Variants in MALRD1 observed in about 807,000 individuals in gnomAD.
MALRD1 encodes MAM and LDL-receptor class A domain-containing protein 1.
In MALRD1, 247 loss-of-function variants were observed where a neutral mutation model predicts 242.1. The observed-to-expected ratio is 1.02, with a 90% CI of 0.92 to 1.13. The LOEUF (loss-of-function observed/expected upper bound fraction) is 1.13, where lower values mean the gene tolerates loss of function less well. Among genes scored for constraint, MALRD1 ranks in the 50% most tolerant of loss-of-function variants. MALRD1 has a pLI of 0.00. For missense variants in MALRD1, 2,989 were observed against 2,533.1 expected, an observed-to-expected ratio of 1.18 and a Z score of -3.86; for synonymous variants, 995 against 866.6, an observed-to-expected ratio of 1.15 and a Z score of -2.60.
intron 14 of MALRD1, among the ~76,000 whole-genome samples, chr10:19,185,027 T>C (rs1290512803): frequency 6.6e-6 from 1 of 152,260 alleles, no homozygotes; most frequent in Non-Finnish European, 1.5e-5. Context: ...TTCCTATTTT[T>C]GTGAACAAAT....
intron 33 of MALRD1, among the ~76,000 whole-genome samples, chr10:19,575,483 TCACACACACA>T (rs66882231): frequency 2.0e-5 from 3 of 148,450 alleles, no homozygotes; most frequent in Non-Finnish European, 4.5e-5. Context: ...AGGCCATGGT[TCACACACACA>T]CACACACACA....
intron 19 of MALRD1, among the ~76,000 whole-genome samples, chr10:19,274,466 G>A (rs1840403142): frequency 6.6e-6 from 1 of 152,126 alleles, no homozygotes; most frequent in African/African-American, 2.4e-5. Context: ...TTTATAAAAA[G>A]ACAGGAGAGA....
Position 19,567,591 on chromosome 10 carries a change from T to A in MALRD1, c.5568T>A (p.Pro1856=). 6.4e-7 allele frequency: 1 copy of A among 1,550,562 alleles called. No homozygotes were observed. Among genetic ancestry groups the A allele is most frequent in the Non-Finnish European group, 8.7e-7 (1 of 1,146,938 alleles). The change falls in exon 33 of 40, where the codon CCT becomes CCA. Residue 1856 remains proline (P), a synonymous_variant. Transcript: ENST00000454679. ...KRTGWTYGSV[P]LSSNSPFKVA... is the part of the protein sequence containing the mutation. ...CGGGATGGACATATGGCTCTGTGCC[T>A]CTCTCCAGTAACAGTCCGTTTAAGG...
chr10:19,569,627 A>G (rs959204767), intron 33 of MALRD1, among the ~76,000 whole-genome samples: 2 of 147,848 alleles, frequency 1.4e-5, no homozygotes, highest in South Asian at 4.2e-4. Flanking sequence ...TCTTTTATAT[A>G]TATATTCCAT....
At chr10:19,325,320 A>G (rs1306206193) in intron 22 of MALRD1, among the ~76,000 whole-genome samples, 2 of 151,886 alleles carry the variant, frequency 1.3e-5, no homozygotes, top group East Asian at 3.9e-4. Context: ...TTCTTTGAGC[A>G]TATTCTTTCT....
intron 21 of MALRD1, among the ~76,000 whole-genome samples, chr10:19,293,678 C>G (rs566099567): frequency 6.6e-6 from 1 of 152,144 alleles, no homozygotes; most frequent in Non-Finnish European, 1.5e-5. Flanking sequence ...ACTGTATGCT[C>G]TCACTTATAA....
chr10:19,719,223 C>CATACATATATAT (rs1176551831), intron 38 of MALRD1, among the ~76,000 whole-genome samples: 16 of 76,434 alleles, frequency 2.1e-4, no homozygotes, highest in African/African-American at 5.2e-4. Context: ...CACATACATA[C>CATACATATATAT]ATATATATAT....
intron 14 of MALRD1, among the ~76,000 whole-genome samples, chr10:19,200,307 CACATGCTCAG>C (rs1257204666): frequency 2.6e-5 from 4 of 152,208 alleles, no homozygotes; most frequent in Admixed American, 6.5e-5. Context: ...AATTACTACT[CACATGCTCAG>C]CCTTTGTTAT....
Position 19,054,428 on chromosome 10 carries a change from A to G in MALRD1, c.199+5291A>G, listed in dbSNP as rs143342199. Reference sequence around the variant, plus strand: ...AATTTTTTTTGTGACAAGACATTGAAATTTACTCTTAGTTATTTTGAAATA... The same window carrying G: ...AATTTTTTTTGTGACAAGACATTGAGATTTACTCTTAGTTATTTTGAAATA... On this transcript the variant is annotated intron_variant, in intron 1 of 39. Coordinates refer to ENST00000454679, the MANE Select transcript of MALRD1 (RefSeq NM_001142308.3). Among the ~76,000 whole-genome samples the G allele has an allele frequency of 8.7e-4, 132 of 152,258 alleles. 1 individual carries two copies. Among genetic ancestry groups the G allele is most frequent in the African/African-American group, 3.0e-3 (124 of 41,550 alleles).
At chr10:19,616,648 C>T (rs570872630) in intron 36 of MALRD1, among the ~76,000 whole-genome samples, 1 of 152,012 alleles carries the variant, frequency 6.6e-6, no homozygotes, top group Admixed American at 6.6e-5. Flanking sequence ...GGTTGCTATT[C>T]AAGTCATTAC....
chr10:19,400,823 C>A (rs1306226836), intron 28 of MALRD1, among the ~76,000 whole-genome samples: 4 of 152,072 alleles, frequency 2.6e-5, no homozygotes, highest in Non-Finnish European at 4.4e-5. Flanking sequence ...TGAGACCAGC[C>A]TGGTCAATAT....
chr10:19,489,568 C>T (rs369554904), intron 29 of MALRD1, among the ~76,000 whole-genome samples: 86 of 151,916 alleles, frequency 5.7e-4, no homozygotes, highest in Middle Eastern at 6.8e-3. Flanking sequence ...AGTGTAAATG[C>T]TTTTTTTTAA....
At chr10:19,314,834 G>T (rs560907672) in intron 21 of MALRD1, among the ~76,000 whole-genome samples, 2 of 151,286 alleles carry the variant, frequency 1.3e-5, no homozygotes, top group South Asian at 4.1e-4. Flanking sequence ...TCTGACCCCA[G>T]TTGTAGACCA....
At chr10:19,224,686 GT>G (rs1211724365) in intron 18 of MALRD1, among the ~76,000 whole-genome samples, 5 of 152,054 alleles carry the variant, frequency 3.3e-5, no homozygotes, top group Non-Finnish European at 4.4e-5. Flanking sequence ...TGATGGGGTT[GT>G]TTTTTTCTTG....
At chr10:19,484,311 C>G (rs1001268283) in intron 29 of MALRD1, among the ~76,000 whole-genome samples, 1 of 152,120 alleles carries the variant, frequency 6.6e-6, no homozygotes, top group Non-Finnish European at 1.5e-5. Flanking sequence ...AGTTTTCTAG[C>G]TACTAAAATG....
chr10:19,730,688 G>A lies in MALRD1; in HGVS notation c.6315-18G>A. The A allele has an allele frequency of 6.5e-7, 1 of 1,535,894 alleles. No individual in the cohort carries two copies. Among genetic ancestry groups the A allele is most frequent in the Non-Finnish European group, 8.7e-7 (1 of 1,146,478 alleles). On this transcript the variant is annotated intron_variant, in intron 38 of 39. Transcript: ENST00000454679. ...ATGTCAATAGTTTTTTATTTTTGAT[G>A]GCCCTGTGTGCTTTAAGGAAAACCG...
At chr10:19,457,428 A>C (rs1382732843) in intron 29 of MALRD1, among the ~76,000 whole-genome samples, 3 of 152,096 alleles carry the variant, frequency 2.0e-5, no homozygotes, top group Non-Finnish European at 4.4e-5. Context: ...GTTCATCATT[A>C]AGCTGGTCCC....
intron 2 of MALRD1, 46 bp downstream of exon 2, chr10:19,066,905 T>C (rs570304794): frequency 1.6e-6 from 2 of 1,215,066 alleles, no homozygotes; most frequent in South Asian, 8.3e-5. Context: ...CTTCCTCCTT[T>C]CCTTCCTTCC....
intron 27 of MALRD1, chr10:19,389,157 G>A: frequency 4.4e-6 from 2 of 459,238 alleles, no homozygotes; most frequent in African/African-American, 2.0e-5. Context: ...TGGTAGTTTG[G>A]GAAATCTATA....
Sources: gnomAD v4.1 joint callset for allele counts (sites outside exome capture counted in the v4.1 genomes callset) on GRCh38, gnomAD v4.1.1 for gene constraint, MANE v1.5 for transcripts, NCBI Gene and HGNC (gene_info 2026-07-23, HGNC 2026-07-21) for gene names.